The following PCCA variants were observed in gnomAD, a reference collection of about 807,000 sequenced individuals.
The protein encoded by PCCA is propionyl-CoA carboxylase alpha chain, mitochondrial.
In PCCA, 74 loss-of-function variants were observed where a neutral mutation model predicts 101.3. The ratio of observed to expected loss-of-function variants is 0.73; its 90% confidence interval spans 0.61 to 0.89. PCCA has a LOEUF of 0.89. Ranked by LOEUF, PCCA falls within the 40% of genes least tolerant of loss-of-function variation. The pLI is 0.00. For missense variants in PCCA, 891 were observed against 907.0 expected, an observed-to-expected ratio of 0.98 and a Z score of 0.23; for synonymous variants, 294 against 313.6, an observed-to-expected ratio of 0.94 and a Z score of 0.66.
rs189093023 is a variant in PCCA at position 100,113,261 on chromosome 13, T to C, written c.300+1200T>C. Reference sequence around the variant, plus strand: ...GGCAATTGTAACACAATGGTAAGTATTTGTGTATATAAGTGTATCTAAACA... The same window carrying C: ...GGCAATTGTAACACAATGGTAAGTACTTGTGTATATAAGTGTATCTAAACA... On this transcript the variant is annotated intron_variant, in intron 4 of 23. Transcript: ENST00000376285. Among the ~76,000 whole-genome samples the C allele has an allele frequency of 2.0e-5, 3 of 152,328 alleles. No homozygotes were observed. The East Asian group carries it at 5.8e-4, about 29-fold the overall frequency.
At chr13:100,180,221 A>G (rs2056666504) in intron 6 of PCCA, among the ~76,000 whole-genome samples, 1 of 152,212 alleles carries the variant, frequency 6.6e-6, no homozygotes, top group South Asian at 2.1e-4. Flanking sequence ...ACACTTTGCT[A>G]CATAGGAGCA....
intron 1 of PCCA, among the ~76,000 whole-genome samples, chr13:100,098,965 C>T (rs941686320): frequency 7.9e-5 from 12 of 152,026 alleles, no homozygotes; most frequent in Non-Finnish European, 2.9e-5. Context: ...GATGAAATAC[C>T]GTGTCATAAT....
chr13:100,362,800 A>G (rs964984695), intron 18 of PCCA, among the ~76,000 whole-genome samples: 20 of 152,234 alleles, frequency 1.3e-4, no homozygotes, highest in Admixed American at 2.6e-4. Flanking sequence ...GTTTCTCAGC[A>G]TGATTATGTG....
intron 20 of PCCA, among the ~76,000 whole-genome samples, chr13:100,442,608 A>G (rs945265518): frequency 4.6e-5 from 7 of 152,238 alleles, no homozygotes; most frequent in African/African-American, 1.4e-4. Flanking sequence ...TGGCCTAGGC[A>G]GTGTTCTAGA....
intron 17 of PCCA, among the ~76,000 whole-genome samples, chr13:100,333,093 C>T (rs541285212): frequency 7.9e-5 from 12 of 152,306 alleles, no homozygotes; most frequent in Middle Eastern, 6.8e-3. Flanking sequence ...CTATATTTGC[C>T]ATTCTTAATG....
rs189161783 is a variant in PCCA at position 100,466,027 on chromosome 13, T to G, written c.1899+16722T>G. 506 of 152,340 alleles carry G rather than the reference T, an allele frequency of 3.3e-3. 3 individuals carry two copies. The highest frequency in any genetic ancestry group is 0.02 in the Middle Eastern group (6 of 294). 9.4% of individuals were successfully genotyped at this position (152,340 alleles called of 1,614,324 possible). A position where few individuals can be genotyped will look rare whatever the true frequency, so the allele number is the denominator to read the frequency against. ...CATGGAATTTAGGGCAAAGTCTAGT[T>G]TGTGTGATTGCATTGTGTTCATTTG... On this transcript the variant is annotated intron_variant, in intron 21 of 23. Coordinates refer to ENST00000376285, the MANE Select transcript of PCCA (RefSeq NM_000282.4).
rs569513662 is a variant in PCCA, at chr13:100,275,678, T to C, written c.1065+2332T>C. 1.6e-4 allele frequency among the ~76,000 whole-genome samples: 24 copies of C among 152,270 alleles called. No individual in the cohort carries two copies. In the South Asian group the frequency reaches 4.1e-3, roughly 26 times the overall value. On this transcript the variant is annotated intron_variant, in intron 12 of 23. Transcript: ENST00000376285. Reference sequence around the variant, plus strand: ...CTTCTTGTCCAATCTCTGGCCTTTTTCCTTTTTTTTTCTTTCTTTTGCAGT... The same window carrying C: ...CTTCTTGTCCAATCTCTGGCCTTTTCCCTTTTTTTTTCTTTCTTTTGCAGT...
intron 22 of PCCA, chr13:100,527,187 AAT>A: frequency 2.4e-6 from 1 of 415,748 alleles, no homozygotes. Context: ...GGTTTCAGTC[AAT>A]TCAGAGTTGT....
At chr13:100,106,707 G>T (rs1417394265) in intron 2 of PCCA, among the ~76,000 whole-genome samples, 1 of 152,140 alleles carries the variant, frequency 6.6e-6, no homozygotes, top group Admixed American at 6.5e-5. Flanking sequence ...GAGCGACCGT[G>T]CCTGGCCCAG....
chr13:100,223,201 T>C (rs1440454528), intron 7 of PCCA, among the ~76,000 whole-genome samples: 4 of 150,766 alleles, frequency 2.7e-5, no homozygotes, highest in African/African-American at 9.8e-5. Flanking sequence ...CCACAGATCC[T>C]GCTTTCAAAG....
intron 7 of PCCA, among the ~76,000 whole-genome samples, chr13:100,216,811 G>A (rs543803364): frequency 1.5e-4 from 23 of 152,256 alleles, no homozygotes; most frequent in Admixed American, 4.6e-4. Context: ...AAATAGATAA[G>A]TATATAAAGA....
intron 7 of PCCA, among the ~76,000 whole-genome samples, chr13:100,229,935 G>A (rs1212145235): frequency 3.3e-5 from 5 of 152,176 alleles, no homozygotes; most frequent in Admixed American, 2.0e-4. Context: ...CCCTGCCTTT[G>A]GATGTCAGTT....
At position 100,384,183 on chromosome 13, in the gene PCCA, G is replaced by A. The variant is rs535423151; in HGVS notation, c.1746+15609G>A. On this transcript the variant is annotated intron_variant, in intron 19 of 23. Transcript: ENST00000376285. ...TGGGATTACAGGCACGTGCCACCAC[G>A]CCTGGTTAATTTTTGTAGTTTAAGT... 1.1e-3 allele frequency among the ~76,000 whole-genome samples: 166 copies of A among 152,172 alleles called. 5 individuals are homozygous for A. The South Asian group carries it at 0.033, about 30-fold the overall frequency.
At chr13:100,213,619 A>G (rs2059352024) in intron 7 of PCCA, among the ~76,000 whole-genome samples, 4 of 152,066 alleles carry the variant, frequency 2.6e-5, no homozygotes, top group African/African-American at 9.7e-5. Flanking sequence ...AGCTCCTTAT[A>G]TATTCTGGTT....
At chr13:100,354,536 A>G (rs992752848) in intron 18 of PCCA, among the ~76,000 whole-genome samples, 2 of 152,184 alleles carry the variant, frequency 1.3e-5, no homozygotes, top group African/African-American at 4.8e-5. Context: ...TAGATACTAG[A>G]AAGCAATAGA....
intron 21 of PCCA, among the ~76,000 whole-genome samples, chr13:100,483,887 C>T (rs1157494725): frequency 6.6e-6 from 1 of 152,144 alleles, no homozygotes; most frequent in Non-Finnish European, 1.5e-5. Context: ...GTTTTTAATG[C>T]TGTTTCCATT....
chr13:100,440,197 TATATATATATATAA>T (rs1393550819), intron 20 of PCCA, among the ~76,000 whole-genome samples: 5 of 73,368 alleles, frequency 6.8e-5, no homozygotes, highest in African/African-American at 2.9e-4. Flanking sequence ...TATATATATA[TATATATATATATAA>T]AACGTGATAA....
At chr13:100,112,774 C>T (rs1402888081) in intron 4 of PCCA, among the ~76,000 whole-genome samples, 1 of 152,042 alleles carries the variant, frequency 6.6e-6, no homozygotes, top group African/African-American at 2.4e-5. Context: ...CAGGGTTTCA[C>T]CAAGTTGGCC....
At chr13:100,423,237 A>G (rs968636906) in intron 19 of PCCA, among the ~76,000 whole-genome samples, 1 of 152,126 alleles carries the variant, frequency 6.6e-6, no homozygotes, top group East Asian at 1.9e-4. Context: ...CTGCCCCTTC[A>G]GTGACCCTTG....
Sources: gnomAD v4.1 joint callset for allele counts (sites outside exome capture counted in the v4.1 genomes callset) on GRCh38, gnomAD v4.1.1 for gene constraint, MANE v1.5 for transcripts, NCBI Gene and HGNC (gene_info 2026-07-23, HGNC 2026-07-21) for gene names.